The following ALDH9A1 variants were observed in gnomAD, a reference collection of about 807,000 sequenced individuals.
ALDH9A1 encodes aldehyde dehydrogenase 9 family member A1, also known as 4-trimethylaminobutyraldehyde dehydrogenase.
ALDH9A1 carries 42 observed loss-of-function variants against 56.6 expected under a neutral mutation model. The ratio of observed to expected loss-of-function variants is 0.74; its 90% CI spans 0.58 to 0.96. The LOEUF (loss-of-function observed/expected upper bound fraction) is 0.96, where lower values mean the gene tolerates loss of function less well. Ranked by LOEUF, ALDH9A1 falls within the 40% of genes least tolerant of loss-of-function variation. The probability of loss-of-function intolerance (pLI) is 0.00; values close to 1 mark genes in which losing one functional copy is unlikely to be tolerated. For missense variants in ALDH9A1, 661 were observed against 651.5 expected, an observed-to-expected ratio of 1.01 and a Z score of -0.16; for synonymous variants, 242 against 236.0, an observed-to-expected ratio of 1.03 and a Z score of -0.23.
rs549617629 is a variant in ALDH9A1, at chr1:165,677,139, G to A, written c.930+2303C>T. On this transcript the variant is annotated intron_variant, in intron 6 of 10. Coordinates refer to ENST00000354775, the MANE Select transcript of ALDH9A1 (RefSeq NM_000696.4). The stretch of plus-strand genomic sequence containing the variant: ...TGCAATCCCAGCACTTTGGGAGGCC[G>A]AGGCATTTGGATCACTTGAGCCCAG... 4.6e-4 allele frequency among the ~76,000 whole-genome samples: 70 copies of A among 151,098 alleles called. 1 individual carries two copies. The highest frequency in any genetic ancestry group is 1.6e-3 in the African/African-American group (67 of 41,158).
rs920719232 is a variant in ALDH9A1 at position 165,698,161 on chromosome 1, A to T, written c.181+217T>A. On this transcript the variant is annotated intron_variant, in intron 1 of 10. Coordinates refer to ENST00000354775, the MANE Select transcript of ALDH9A1 (RefSeq NM_000696.4). ...AAAACAACTCACGATCCTACCACGC[A>T]ACTCATCAGCTTTGCTTTTCCTCCC... is the stretch of plus-strand genomic sequence containing the variant. 7 of 1,276,120 alleles carry T rather than the reference A, an allele frequency of 5.5e-6. No individual in the cohort carries two copies. In the Admixed American group the frequency reaches 1.2e-4, roughly 22 times the overall value. The allele number at this position is 1,276,120 out of a possible 1,614,324, so 79.0% of individuals were successfully genotyped here.
At chr1:165,692,704 G>GA (rs1168562380) in intron 2 of ALDH9A1, among the ~76,000 whole-genome samples, 3,279 of 151,248 alleles carry the variant, frequency 0.022, 121 homozygotes, top group African/African-American at 0.076. Flanking sequence ...CACAGAATTG[G>GA]AAAAAACTAT....
intron 6 of ALDH9A1, among the ~76,000 whole-genome samples, chr1:165,678,423 T>C (rs891309014): frequency 1.6e-4 from 25 of 152,164 alleles, no homozygotes; most frequent in Admixed American, 1.2e-3. Flanking sequence ...TAAGAATCCA[T>C]GGGTCCATAC....
chr1:165,667,222 A>G, intron 9 of ALDH9A1, 87 bp downstream of exon 9: 1 of 1,530,784 alleles, frequency 6.5e-7, no homozygotes, highest in Non-Finnish European at 8.8e-7. Flanking sequence ...GGCAAACTAA[A>G]GTGAGAGAAT....
chr1:165,691,342 T>G (rs896262843), intron 2 of ALDH9A1, among the ~76,000 whole-genome samples: 2 of 152,042 alleles, frequency 1.3e-5, no homozygotes, highest in Admixed American at 6.6e-5. Flanking sequence ...AGCATCAACA[T>G]CAACAAAAAG....
At chr1:165,685,909 G>A (rs1649694633) in intron 2 of ALDH9A1, among the ~76,000 whole-genome samples, 1 of 152,160 alleles carries the variant, frequency 6.6e-6, no homozygotes, top group East Asian at 1.9e-4. Context: ...ATTGTTTTAA[G>A]TAACATTCTC....
intron 2 of ALDH9A1, among the ~76,000 whole-genome samples, chr1:165,688,803 A>G (rs1328766727): frequency 6.6e-6 from 1 of 152,202 alleles, no homozygotes; most frequent in Non-Finnish European, 1.5e-5. Context: ...ACAGAGTGGG[A>G]TCTATTCAGT....
chr1:165,697,448 G>T (rs183095351), intron 1 of ALDH9A1, among the ~76,000 whole-genome samples: 3 of 152,298 alleles, frequency 2.0e-5, no homozygotes, highest in East Asian at 3.9e-4. Flanking sequence ...TACACCTTAA[G>T]TATATACAAT....
In ALDH9A1 at chr1:165,662,452, G is replaced by T. The variant is rs1161851221; in HGVS notation, c.*598C>A. 1.3e-5 allele frequency: 2 copies of T among 152,414 alleles called. No individual in the cohort carries two copies. Among genetic ancestry groups the T allele is most frequent in the African/African-American group, 4.8e-5 (2 of 41,420 alleles). 9.4% of individuals were successfully genotyped at this position (152,414 alleles called of 1,614,324 possible). A position where few individuals can be genotyped will look rare whatever the true frequency, so the allele number is the denominator to read the frequency against. ...ATTATCTAATCCCCTCCCTATCCCA[G>T]TTGTCAGCTTTCTCAATGGAATGAC... On this transcript the variant is annotated 3_prime_UTR_variant, in exon 11 of 11. Coordinates refer to ENST00000354775, the MANE Select transcript of ALDH9A1 (RefSeq NM_000696.4).
At chr1:165,688,870 T>C (rs78194620) in intron 2 of ALDH9A1, among the ~76,000 whole-genome samples, 9,308 of 152,296 alleles carry the variant, frequency 0.061, 335 homozygotes, top group Middle Eastern at 0.12. Context: ...ACAAGTGTTT[T>C]TGATTAATAA....
intron 1 of ALDH9A1, among the ~76,000 whole-genome samples, chr1:165,697,943 C>G (rs1192222967): frequency 6.6e-6 from 1 of 152,140 alleles, no homozygotes; most frequent in Non-Finnish European, 1.5e-5. Context: ...GCGGGAGAAG[C>G]ACTTGAGCCC....
intron 6 of ALDH9A1, among the ~76,000 whole-genome samples, chr1:165,675,261 C>CTA (rs1327488172): frequency 9.9e-5 from 15 of 151,528 alleles, no homozygotes; most frequent in African/African-American, 3.1e-4. Flanking sequence ...CTCTCTCTCT[C>CTA]TCTATATATA....
intron 6 of ALDH9A1, among the ~76,000 whole-genome samples, chr1:165,670,864 T>C (rs1649156429): frequency 6.6e-6 from 1 of 152,094 alleles, no homozygotes; most frequent in South Asian, 2.1e-4. Flanking sequence ...TAGAGGTCAG[T>C]AGTTCAAAAC....
At chr1:165,673,179 G>A (rs1649239372) in intron 6 of ALDH9A1, among the ~76,000 whole-genome samples, 1 of 150,868 alleles carries the variant, frequency 6.6e-6, no homozygotes, top group Non-Finnish European at 1.5e-5. Flanking sequence ...CATACAAATG[G>A]CCAACAAGTT....
intron 6 of ALDH9A1, among the ~76,000 whole-genome samples, chr1:165,677,175 C>T (rs1649390315): frequency 6.6e-6 from 1 of 151,368 alleles, no homozygotes; most frequent in Non-Finnish European, 1.5e-5. Context: ...GAGTTCAAGA[C>T]CAGCCTGGCC....
chr1:165,687,625 T>G lies in ALDH9A1; in HGVS notation c.328-4515A>C, dbSNP rs116036007. ...TATTTACCTACAATTCATTCAAAAA[T>G]TAATGCAAAAGAAAGACTTTTTTAG... On this transcript the variant is annotated intron_variant, in intron 2 of 10. Transcript: ENST00000354775. 3.7e-3 allele frequency among the ~76,000 whole-genome samples: 560 copies of G among 152,242 alleles called. 1 individual carries two copies. Among genetic ancestry groups the G allele is most frequent in the Middle Eastern group, 0.024 (7 of 294 alleles).
At chr1:165,680,794 A>G in intron 4 of ALDH9A1, 111 bp from the exon 5 acceptor site, 1 of 993,472 alleles carries the variant, frequency 1.0e-6, no homozygotes, top group Non-Finnish European at 1.5e-6. Flanking sequence ...CTCTTCCCCA[A>G]CCAAATCCTA....
chr1:165,685,157 A>G (rs1374690916), intron 2 of ALDH9A1, among the ~76,000 whole-genome samples: 1 of 152,246 alleles, frequency 6.6e-6, no homozygotes, highest in African/African-American at 2.4e-5. Flanking sequence ...AGTATTTCTT[A>G]GGAAATACAT....
At chr1:165,692,099 C>A (rs1649910404) in intron 2 of ALDH9A1, among the ~76,000 whole-genome samples, 1 of 152,094 alleles carries the variant, frequency 6.6e-6, no homozygotes, top group African/African-American at 2.4e-5. Flanking sequence ...ATGACAAACC[C>A]ACAGCCAATA....
Sources: gnomAD v4.1 joint callset for allele counts (sites outside exome capture counted in the v4.1 genomes callset) on GRCh38, gnomAD v4.1.1 for gene constraint, MANE v1.5 for transcripts, NCBI Gene and HGNC (gene_info 2026-07-23, HGNC 2026-07-21) for gene names.